The following MIR2052HG variants were observed in gnomAD, a reference collection of about 807,000 sequenced individuals.
MIR2052HG encodes the protein MIR2052 host gene.
intron 2 of MIR2052HG, among the ~76,000 whole-genome samples, chr8:74,695,536 C>T (rs1329383653): frequency 2.6e-5 from 4 of 152,050 alleles, no homozygotes; most frequent in Non-Finnish European, 4.4e-5. Context: ...TACAAATTCA[C>T]TAACCAAGTA....
chr8:74,717,557 C>T (rs1379812576), intron 4 of MIR2052HG, among the ~76,000 whole-genome samples: 3 of 152,088 alleles, frequency 2.0e-5, no homozygotes, highest in Non-Finnish European at 2.9e-5. Flanking sequence ...GTGGCTCTTG[C>T]CCGTAATCCC....
At chr8:74,697,558 A>T (rs560472115) in intron 2 of MIR2052HG, among the ~76,000 whole-genome samples, 1 of 152,146 alleles carries the variant, frequency 6.6e-6, no homozygotes, top group African/African-American at 2.4e-5. Flanking sequence ...TGATGATATC[A>T]TCCTATTCTT....
intron 2 of MIR2052HG, among the ~76,000 whole-genome samples, chr8:74,637,489 G>T (rs1276447497): frequency 6.6e-6 from 1 of 151,998 alleles, no homozygotes; most frequent in Non-Finnish European, 1.5e-5. Flanking sequence ...TCACAAATCA[G>T]TTTTATCTTC....
At chr8:74,746,979 C>G (rs1809894532) in intron 4 of MIR2052HG, among the ~76,000 whole-genome samples, 1 of 152,064 alleles carries the variant, frequency 6.6e-6, no homozygotes, top group East Asian at 1.9e-4. Context: ...TATGAATTTG[C>G]TGTAATCATA....
intron 2 of MIR2052HG, among the ~76,000 whole-genome samples, chr8:74,627,699 T>A (rs991220557): frequency 1.3e-5 from 2 of 152,226 alleles, no homozygotes; most frequent in East Asian, 3.8e-4. Flanking sequence ...CCATTTAACA[T>A]GTGGTTGTCC....
intron 1 of MIR2052HG, among the ~76,000 whole-genome samples, chr8:74,604,959 A>G (rs369221185): frequency 3.3e-5 from 5 of 152,106 alleles, no homozygotes; most frequent in African/African-American, 1.2e-4. Context: ...AATTTCTTGC[A>G]TGAGATTCAA....
At chr8:74,637,430 T>C (rs745576800) in intron 2 of MIR2052HG, among the ~76,000 whole-genome samples, 1 of 152,044 alleles carries the variant, frequency 6.6e-6, no homozygotes, top group Non-Finnish European at 1.5e-5. Flanking sequence ...CACATGTGCG[T>C]GCACACACAC....
At chr8:74,699,654 C>T (rs1466177591) in intron 2 of MIR2052HG, among the ~76,000 whole-genome samples, 5 of 151,640 alleles carry the variant, frequency 3.3e-5, no homozygotes, top group Non-Finnish European at 5.9e-5. Flanking sequence ...GGAGGTGGGG[C>T]GAGGGATAAA....
At chr8:74,687,987 T>C (rs755818380) in intron 2 of MIR2052HG, among the ~76,000 whole-genome samples, 1 of 152,178 alleles carries the variant, frequency 6.6e-6, no homozygotes, top group Non-Finnish European at 1.5e-5. Context: ...ATATCAATTG[T>C]GCCTCATTAA....
At chr8:74,603,616 A>T (rs111773222) in intron 1 of MIR2052HG, 43 of 1,512,588 alleles carry the variant, frequency 2.8e-5, no homozygotes, top group South Asian at 4.5e-5. Flanking sequence ...CTGGTGCAGC[A>T]TGGTCAAATC....
At chr8:74,624,594 G>A (rs1260109167) in intron 2 of MIR2052HG, among the ~76,000 whole-genome samples, 1 of 152,172 alleles carries the variant, frequency 6.6e-6, no homozygotes, top group Non-Finnish European at 1.5e-5. Context: ...TACTTGCCAT[G>A]TATTGAAAAG....
At chr8:74,754,954 A>G (rs1035474786) in intron 5 of MIR2052HG, among the ~76,000 whole-genome samples, 4 of 152,210 alleles carry the variant, frequency 2.6e-5, no homozygotes, top group Non-Finnish European at 5.9e-5. Context: ...CTTTATTCTC[A>G]TAATGTCCCA....
At chr8:74,645,917 G>A (rs955413137) in intron 2 of MIR2052HG, among the ~76,000 whole-genome samples, 3 of 152,064 alleles carry the variant, frequency 2.0e-5, no homozygotes, top group East Asian at 1.9e-4. Context: ...TGTGGAGTAG[G>A]TCCTGGTTTT....
chr8:74,706,827 A>G (rs932088884), intron 4 of MIR2052HG, among the ~76,000 whole-genome samples: 1 of 152,158 alleles, frequency 6.6e-6, no homozygotes, highest in South Asian at 2.1e-4. Flanking sequence ...ATTTTTTTTC[A>G]CAAGCTTCTT....
chr8:74,697,343 C>A (rs1719406493), intron 2 of MIR2052HG, among the ~76,000 whole-genome samples: 1 of 152,040 alleles, frequency 6.6e-6, no homozygotes, highest in African/African-American at 2.4e-5. Flanking sequence ...TAATAAAAGC[C>A]ATCTATGACA....
Position 74,701,690 on chromosome 8 carries a change from T to A in MIR2052HG, n.217-689T>A, listed in dbSNP as rs143655796. Among the ~76,000 whole-genome samples the A allele has an allele frequency of 5.7e-4, 87 of 152,294 alleles. 1 individual carries two copies. In the East Asian group the frequency reaches 0.015, roughly 26 times the overall value. On this transcript the variant is annotated intron_variant and non_coding_transcript_variant, in intron 2 of 6. Coordinates refer to ENST00000523442, the Ensembl canonical transcript of MIR2052HG. Reference sequence around the variant, plus strand: ...CATTCCTGTTGATTCTGTGAACTACTAATAGTCTACTAAATAATTTGATTT... The same window carrying A: ...CATTCCTGTTGATTCTGTGAACTACAAATAGTCTACTAAATAATTTGATTT...
intron 5 of MIR2052HG, among the ~76,000 whole-genome samples, chr8:74,755,671 C>G (rs888380453): frequency 2.0e-5 from 3 of 152,000 alleles, no homozygotes; most frequent in African/African-American, 7.3e-5. Flanking sequence ...CATCTGTTTC[C>G]CTGTCTTGGT....
intron 4 of MIR2052HG, among the ~76,000 whole-genome samples, chr8:74,745,853 T>G (rs1209598265): frequency 6.6e-6 from 1 of 152,178 alleles, no homozygotes; most frequent in Non-Finnish European, 1.5e-5. Flanking sequence ...TTCAGCCTTT[T>G]GCCAGGATGA....
intron 2 of MIR2052HG, among the ~76,000 whole-genome samples, chr8:74,656,261 A>G (rs1327124270): frequency 6.6e-6 from 1 of 152,026 alleles, no homozygotes; most frequent in Non-Finnish European, 1.5e-5. Flanking sequence ...GACTGTTGGG[A>G]AGGCATGATT....
Sources: allele counts gnomAD v4.1 joint callset (sites outside exome capture counted in the v4.1 genomes callset), GRCh38; gene constraint gnomAD v4.1.1; transcripts MANE v1.5; gene names NCBI Gene and HGNC (gene_info 2026-07-23, HGNC 2026-07-21).